Variants in COG3 observed in about 807,000 individuals in gnomAD.
COG3 encodes conserved oligomeric Golgi complex subunit 3.
Under a neutral mutation model 114.1 loss-of-function variants are expected in COG3, and 32 were observed. The ratio of observed to expected loss-of-function variants is 0.28; its 90% CI spans 0.21 to 0.38. The LOEUF is 0.38. Among genes scored for constraint, COG3 ranks in the 10% least tolerant of loss-of-function variants. The pLI, the probability that COG3 is intolerant of heterozygous loss-of-function variation, is 1.00. For missense variants in COG3, 813 were observed against 973.2 expected, an observed-to-expected ratio of 0.84 and a Z score of 2.19; for synonymous variants, 352 against 365.7, an observed-to-expected ratio of 0.96 and a Z score of 0.43.
At chr13:45,478,542 G>A (rs1286379882) in intron 2 of COG3, among the ~76,000 whole-genome samples, 1 of 150,514 alleles carries the variant, frequency 6.6e-6, no homozygotes, top group Non-Finnish European at 1.5e-5. Flanking sequence ...GCGCGATCTC[G>A]GCTCGCTGTG....
chr13:45,467,749 A>G (rs1352706716), intron 1 of COG3, among the ~76,000 whole-genome samples: 5 of 152,194 alleles, frequency 3.3e-5, no homozygotes, highest in African/African-American at 7.2e-5. Context: ...TTTTAGCCCT[A>G]TACTACTCTT....
intron 14 of COG3, among the ~76,000 whole-genome samples, chr13:45,507,130 G>T (rs1274107729): frequency 6.6e-6 from 1 of 152,164 alleles, no homozygotes; most frequent in Non-Finnish European, 1.5e-5. Context: ...GGGAAAAAAT[G>T]AACACAAGCT....
chr13:45,508,401 T>TACACAC (rs1473495289), intron 14 of COG3, among the ~76,000 whole-genome samples: 14 of 109,448 alleles, frequency 1.3e-4, no homozygotes, highest in African/African-American at 5.4e-4. Context: ...TATATATATA[T>TACACAC]ATACACACAC....
chr13:45,488,245 G>A (rs548684373), intron 8 of COG3, among the ~76,000 whole-genome samples: 33 of 152,228 alleles, frequency 2.2e-4, no homozygotes, highest in African/African-American at 7.9e-4. Context: ...GAGGGGAGGT[G>A]GAGAGGTTGG....
chr13:45,509,712 C>T lies in COG3; in HGVS notation c.1615C>T (p.Pro539Ser). 1 of 1,614,086 alleles carries T rather than the reference C, an allele frequency of 6.2e-7. No homozygotes were observed. Among genetic ancestry groups the T allele is most frequent in the Non-Finnish European group, 8.5e-7 (1 of 1,179,966 alleles). ...TTTAGGTTCAACAGAATCCCTCAAT[C>T]CTAGACCACAGACCACAATTTCTCC... ...TKSGSTESLNPRPQTTISPAD... is the reference protein window; with the variant it reads ...TKSGSTESLNSRPQTTISPAD... The change falls in exon 15 of 23, where the codon CCT becomes TCT. Residue 539 changes from proline to serine, a missense_variant. This residue lies in a region of COG3 where 389 missense variants were observed against 542.6 expected (regional missense o/e 0.72). Transcript: ENST00000349995.
intron 14 of COG3, among the ~76,000 whole-genome samples, chr13:45,508,128 C>T (rs1354676755): frequency 1.5e-5 from 2 of 136,712 alleles, no homozygotes; most frequent in Non-Finnish European, 3.1e-5. Flanking sequence ...TTCAACCTTT[C>T]TCCCTCATCC....
chr13:45,496,778 A>T (rs1868841969), intron 13 of COG3, among the ~76,000 whole-genome samples: 1 of 151,720 alleles, frequency 6.6e-6, no homozygotes, highest in Non-Finnish European at 1.5e-5. Flanking sequence ...GGTTCGCGCC[A>T]TTCTCCTGCC....
At chr13:45,525,500 A>G (rs1333819393) in intron 20 of COG3, among the ~76,000 whole-genome samples, 1 of 152,146 alleles carries the variant, frequency 6.6e-6, no homozygotes, top group Admixed American at 6.5e-5. Flanking sequence ...AGTATTGGGA[A>G]AAAAAATTGT....
chr13:45,495,893 C>T (rs1868708907), intron 12 of COG3, among the ~76,000 whole-genome samples: 1 of 152,016 alleles, frequency 6.6e-6, no homozygotes, highest in Non-Finnish European at 1.5e-5. Flanking sequence ...GAGCAAAGCA[C>T]TCTTAAAATT....
At chr13:45,471,232 C>T (rs553657207) in intron 1 of COG3, among the ~76,000 whole-genome samples, 7 of 140,832 alleles carry the variant, frequency 5.0e-5, no homozygotes, top group South Asian at 2.5e-4. Flanking sequence ...AGTGAGACCT[C>T]GTCTCTACAG....
In COG3 at chr13:45,473,015, G is replaced by A. The variant is rs192908208; in HGVS notation, c.175-3186G>A. Among the ~76,000 whole-genome samples, 801 of 152,088 alleles carry A rather than the reference G, an allele frequency of 5.3e-3. 19 individuals carry two copies. The highest frequency in any genetic ancestry group is 0.044 in the Admixed American group (675 of 15,256). On this transcript the variant is annotated intron_variant, in intron 1 of 22. Transcript: ENST00000349995. ...CTCCCGAGTAGCTGGGACTACAGGC[G>A]CCCGCCACCACGCCTGGCTAATTTT...
intron 6 of COG3, among the ~76,000 whole-genome samples, 200 bp from the exon 7 acceptor site, chr13:45,483,030 C>A (rs763220452): frequency 1.1e-4 from 17 of 152,232 alleles, no homozygotes; most frequent in Non-Finnish European, 2.1e-4. Context: ...GGAGCTCCTA[C>A]TTTGTGCCAG....
intron 2 of COG3, among the ~76,000 whole-genome samples, chr13:45,477,433 T>G (rs1000447386): frequency 2.0e-5 from 3 of 152,208 alleles, no homozygotes; most frequent in African/African-American, 7.2e-5. Context: ...AAGTGTCAGC[T>G]CAATGAGTTT....
At chr13:45,467,875 T>C (rs1377525347) in intron 1 of COG3, among the ~76,000 whole-genome samples, 1 of 152,212 alleles carries the variant, frequency 6.6e-6, no homozygotes, top group Non-Finnish European at 1.5e-5. Context: ...CCTGAACAAC[T>C]GGAACTGAGC....
chr13:45,532,425 G>T (rs1873233173), intron 22 of COG3, among the ~76,000 whole-genome samples: 1 of 151,886 alleles, frequency 6.6e-6, no homozygotes, highest in South Asian at 2.1e-4. Context: ...TAAAATACTT[G>T]CATGGTTTCC....
intron 15 of COG3, 21 bp downstream of exon 15, chr13:45,509,837 A>G (rs543623272): frequency 1.3e-6 from 2 of 1,558,496 alleles, no homozygotes; most frequent in Non-Finnish European, 1.7e-6. Flanking sequence ...CTTTACTGTG[A>G]ATTGCTCGTT....
rs915753995 is a variant in COG3 at position 45,508,384 on chromosome 13, T to A, written c.1595-1308T>A. Among the ~76,000 whole-genome samples the A allele has an allele frequency of 7.5e-4, 25 of 33,262 alleles. No individual in the cohort carries two copies. The South Asian group carries it at 0.031, about 41-fold the overall frequency. The allele number at this position is 33,262 out of a possible 152,430, so 21.8% of individuals were successfully genotyped here. ...TTAACATTTTATTTTTTATATATAT[T>A]TTTATATATATATATATATACACAC... On this transcript the variant is annotated intron_variant, in intron 14 of 22. Coordinates refer to ENST00000349995, the MANE Select transcript of COG3 (RefSeq NM_031431.4).
chr13:45,509,851 T>C (rs1375874813), intron 15 of COG3, 35 bp downstream of exon 15: 3 of 1,505,472 alleles, frequency 2.0e-6, no homozygotes, highest in Admixed American at 3.9e-5. Flanking sequence ...GCTCGTTCTT[T>C]CACTTGAAAT....
intron 20 of COG3, among the ~76,000 whole-genome samples, chr13:45,528,715 C>G (rs1872907678): frequency 6.6e-6 from 1 of 152,114 alleles, no homozygotes; most frequent in Non-Finnish European, 1.5e-5. Context: ...AGAGGCCTTT[C>G]TGTATAGCAT....
Sources: gnomAD v4.1 joint callset for allele counts (sites outside exome capture counted in the v4.1 genomes callset) on GRCh38, gnomAD v4.1.1 for gene constraint, gnomAD v4.1.1 regional missense constraint, MANE v1.5 for transcripts, NCBI Gene and HGNC (gene_info 2026-07-23, HGNC 2026-07-21) for gene names.